DCAF1: variants seen among roughly 807,000 people sequenced by gnomAD.
DCAF1 encodes the protein DDB1- and CUL4-associated factor 1.
Under a neutral mutation model 128.0 loss-of-function variants are expected in DCAF1, and 15 were observed. The observed-to-expected ratio is 0.12, with a 90% CI of 0.08 to 0.18. The LOEUF (loss-of-function observed/expected upper bound fraction) is 0.18. Among genes scored for constraint, DCAF1 ranks in the 10% least tolerant of loss-of-function variants. The pLI, the probability that DCAF1 is intolerant of heterozygous loss-of-function variation, is 1.00. For synonymous variants in DCAF1, 610 were observed against 603.0 expected, an observed-to-expected ratio of 1.01 and a Z score of -0.17; for missense variants, 988 against 1,649.5, an observed-to-expected ratio of 0.60 and a Z score of 6.95.
upstream of DCAF1, among the ~76,000 whole-genome samples, chr3:51,504,440 T>C (rs1708894673): frequency 6.6e-6 from 1 of 151,826 alleles, no homozygotes; most frequent in South Asian, 2.1e-4. Flanking sequence ...CTCTGCATCC[T>C]GGGTTCAAGT....
In DCAF1 at chr3:51,418,202, A is replaced by G. The variant is rs1172624426; in HGVS notation, c.3436-4T>C. On this transcript the variant is annotated splice_region_variant and splice_polypyrimidine_tract_variant and intron_variant, in intron 16 of 24. Coordinates refer to ENST00000684031, the MANE Select transcript of DCAF1 (RefSeq NM_001387579.1). ...ATGTCAGCAGCAAGGACCCATCCTAAAAGAAAAAGGCGCAAGGTGGGTAAC... is the reference window on the plus strand; with the variant it reads ...ATGTCAGCAGCAAGGACCCATCCTAGAAGAAAAAGGCGCAAGGTGGGTAAC... The G allele has an allele frequency of 2.5e-6, 4 of 1,608,290 alleles. No homozygotes were observed. Among genetic ancestry groups the G allele is most frequent in the Non-Finnish European group, 3.4e-6 (4 of 1,177,362 alleles).
intron 6 of DCAF1, among the ~76,000 whole-genome samples, chr3:51,457,001 AG>A: frequency 6.6e-6 from 1 of 152,348 alleles, no homozygotes; most frequent in East Asian, 1.9e-4. Flanking sequence ...TAAAAATCAG[AG>A]CGCCTCTCCT....
rs143872339 is a variant in DCAF1 at position 51,445,374 on chromosome 3, A to T, written c.376-1471T>A. On this transcript the variant is annotated intron_variant, in intron 6 of 24. Coordinates refer to ENST00000684031, the MANE Select transcript of DCAF1 (RefSeq NM_001387579.1). ...ATTTTTTACTCAACATGTTTTTTAGATTCATCTATATTGCTGCACGTAGCA... is the reference window on the plus strand; with the variant it reads ...ATTTTTTACTCAACATGTTTTTTAGTTTCATCTATATTGCTGCACGTAGCA... 3.7e-3 allele frequency among the ~76,000 whole-genome samples: 568 copies of T among 152,284 alleles called. 3 individuals are homozygous for T. Among genetic ancestry groups the T allele is most frequent in the African/African-American group, 0.013 (532 of 41,574 alleles).
chr3:51,417,817 G>A (rs1374451794), intron 17 of DCAF1, among the ~76,000 whole-genome samples: 1 of 150,794 alleles, frequency 6.6e-6, no homozygotes, highest in East Asian at 2.0e-4. Flanking sequence ...GGAGGGGAGG[G>A]GAGAGGAGAG....
intron 23 of DCAF1, among the ~76,000 whole-genome samples, chr3:51,406,949 T>G (rs1196610037): frequency 6.6e-6 from 1 of 152,176 alleles, no homozygotes; most frequent in Non-Finnish European, 1.5e-5. Flanking sequence ...ATCCCAGCAC[T>G]TTGGGAGGCC....
In DCAF1 at chr3:51,422,581, C is replaced by T. The variant is rs1257015868; in HGVS notation, c.1848-150G>A. The T allele has an allele frequency of 5.1e-6, 3 of 592,512 alleles. No individual in the cohort carries two copies. In the African/African-American group the frequency reaches 5.6e-5, roughly 11 times the overall value. The allele number at this position is 592,512 out of a possible 1,614,324, so 36.7% of individuals were successfully genotyped here. A position where few individuals can be genotyped will look rare whatever the true frequency, so the allele number is the denominator to read the frequency against. ...AGTGTGGCTCTATCTCAAGCTGTCG[C>T]ATCAAGAGAGGATTTTATAGTCACC... On this transcript the variant is annotated intron_variant, in intron 13 of 24. Transcript: ENST00000684031.
At chr3:51,403,541 C>T in intron 23 of DCAF1, 146 bp from the exon 24 acceptor site, 1 of 1,389,092 alleles carries the variant, frequency 7.2e-7, no homozygotes, top group Admixed American at 2.7e-5. Flanking sequence ...CATGAGCCAG[C>T]CAGACTTGTC....
chr3:51,450,042 G>A (rs1032357511), intron 6 of DCAF1, among the ~76,000 whole-genome samples: 2 of 152,098 alleles, frequency 1.3e-5, no homozygotes, highest in Non-Finnish European at 2.9e-5. Flanking sequence ...TAAATTCTAC[G>A]AAACATTTAA....
intron 3 of DCAF1, among the ~76,000 whole-genome samples, chr3:51,483,384 G>T (rs961619643): frequency 6.9e-6 from 1 of 144,318 alleles, no homozygotes; most frequent in African/African-American, 2.6e-5. Context: ...AGGTTGCAGT[G>T]AGCCGAGATC....
chr3:51,487,548 G>C (rs1008137366), intron 2 of DCAF1, among the ~76,000 whole-genome samples: 1 of 152,096 alleles, frequency 6.6e-6, no homozygotes, highest in East Asian at 1.9e-4. Context: ...CTGTCCTCTG[G>C]TCTATGATAG....
At position 51,499,945 on chromosome 3, in the gene DCAF1, G is replaced by A. The variant is rs1455468892; in HGVS notation, c.-128C>T. ...CACAGTTCACACACACACAGCCTCA[G>A]GTCCCGCACTCACTCTCCACTCACA... is the stretch of plus-strand genomic sequence containing the variant. On this transcript the variant is annotated 5_prime_UTR_variant, in exon 1 of 25. Coordinates refer to ENST00000684031, the MANE Select transcript of DCAF1 (RefSeq NM_001387579.1). 4 of 129,272 alleles carry A rather than the reference G, an allele frequency of 3.1e-5. No individual in the cohort carries two copies. Among genetic ancestry groups the A allele is most frequent in the African/African-American group, 1.2e-4 (4 of 33,574 alleles). 8.0% of individuals were successfully genotyped at this position (129,272 alleles called of 1,614,324 possible).
intron 14 of DCAF1, among the ~76,000 whole-genome samples, chr3:51,421,823 C>A (rs1251523080): frequency 6.6e-6 from 1 of 151,982 alleles, no homozygotes; most frequent in African/African-American, 2.4e-5. Flanking sequence ...CGGTTTCTAC[C>A]CATTTTGAGC....
chr3:51,459,207 A>G lies in DCAF1; in HGVS notation c.375+3907T>C, dbSNP rs1035974073. On this transcript the variant is annotated intron_variant, in intron 6 of 24. Transcript: ENST00000684031. ...ACAGAAGGATCAAATAGACACAATA[A>G]AAAATGATAAAGGGGATATCACAAC... 4.6e-5 allele frequency among the ~76,000 whole-genome samples: 7 copies of G among 152,202 alleles called. 1 individual carries two copies. In the South Asian group the frequency reaches 1.2e-3, roughly 27 times the overall value.
intron 6 of DCAF1, 96 bp downstream of exon 6, chr3:51,463,018 C>G: frequency 2.7e-6 from 2 of 735,822 alleles, no homozygotes; most frequent in African/African-American, 1.8e-5. Context: ...ATATGAATAA[C>G]AAAAACTGTA....
At chr3:51,500,083 A>G (rs1708705787), upstream of DCAF1, 1 of 135,064 alleles carries the variant, frequency 7.4e-6, no homozygotes, top group South Asian at 2.7e-4. Context: ...GACCGCGAGC[A>G]AGGGGCGGGA....
chr3:51,414,121 C>A, intron 19 of DCAF1, 78 bp from the exon 20 acceptor site: 6 of 1,457,126 alleles, frequency 4.1e-6, no homozygotes, highest in Non-Finnish European at 5.5e-6. Context: ...TAAAATATCA[C>A]TTTTTTTCCT....
chr3:51,419,570 C>A (rs1456756489), intron 15 of DCAF1, among the ~76,000 whole-genome samples, 164 bp downstream of exon 15: 3 of 152,162 alleles, frequency 2.0e-5, no homozygotes, highest in Non-Finnish European at 2.9e-5. Flanking sequence ...AACAATCACA[C>A]AAGGAACCCA....
At chr3:51,499,477 G>T (rs1553663087) in intron 1 of DCAF1, among the ~76,000 whole-genome samples, 2 of 152,198 alleles carry the variant, frequency 1.3e-5, no homozygotes, top group African/African-American at 4.8e-5. Flanking sequence ...GTATAGTACG[G>T]AAGATGGAGC....
chr3:51,412,927 A>G (rs1698561773), intron 22 of DCAF1, 66 bp downstream of exon 22: 1 of 1,593,352 alleles, frequency 6.3e-7, no homozygotes, highest in African/African-American at 1.3e-5. Flanking sequence ...AAATGTCTGT[A>G]GTACAACTTG....
Sources: allele counts gnomAD v4.1 joint callset (sites outside exome capture counted in the v4.1 genomes callset), GRCh38; gene constraint gnomAD v4.1.1; transcripts MANE v1.5; gene names NCBI Gene and HGNC (gene_info 2026-07-23, HGNC 2026-07-21).